The following ADCY3 variants were observed in gnomAD, a reference collection of about 807,000 sequenced individuals.
The protein encoded by ADCY3 is adenylate cyclase 3.
Under a neutral mutation model 119.4 loss-of-function variants are expected in ADCY3, and 70 were observed. That is an observed-to-expected ratio of 0.59 (90% confidence interval 0.48 to 0.72). ADCY3 has a LOEUF of 0.72. Among genes scored for constraint, ADCY3 ranks in the 30% least tolerant of loss-of-function variants. ADCY3 has a pLI of 0.00. For synonymous variants in ADCY3, 672 were observed against 621.4 expected (o/e 1.08, Z -1.21); for missense variants, 1,238 against 1,541.6 (o/e 0.80, Z 3.30).
In ADCY3 at chr2:24,819,876, A is replaced by G; in HGVS notation, c.*56T>C. ...ATCCAGGAAGGTCGGGACTTCCTTC[A>G]GTTTCAAAAAATAAATTCTCCCTTC... is the stretch of plus-strand genomic sequence containing the variant. On this transcript the variant is annotated 3_prime_UTR_variant, in exon 22 of 22. Transcript: ENST00000679454. 1 of 1,570,382 alleles carries G rather than the reference A, an allele frequency of 6.4e-7. No homozygotes were observed. Among genetic ancestry groups the G allele is most frequent in the Non-Finnish European group, 8.7e-7 (1 of 1,152,872 alleles).
chr2:24,889,790 C>G (rs948193086), intron 2 of ADCY3, among the ~76,000 whole-genome samples: 1 of 152,216 alleles, frequency 6.6e-6, no homozygotes, highest in Non-Finnish European at 1.5e-5. Flanking sequence ...GAGCCAAGGT[C>G]GCGCCATTGC....
In ADCY3 at chr2:24,872,278, T is replaced by C. The variant is rs1339919263; in HGVS notation, c.825+292A>G. ...CTGGCTGCTTGGGCAATGCATTTCT[T>C]GAAAGGGAAAAGTTTTACATTACGA... is the stretch of plus-strand genomic sequence containing the variant. On this transcript the variant is annotated intron_variant, in intron 3 of 21. Transcript: ENST00000679454. This position sits in a 1 kb window ranked among gnomAD's most constrained non-coding sequence, Gnocchi z 4.4. Among the ~76,000 whole-genome samples the C allele has an allele frequency of 6.6e-6, 1 of 152,032 alleles. No individual in the cohort carries two copies. The highest frequency in any genetic ancestry group is 1.5e-5 in the Non-Finnish European group (1 of 67,988).
chr2:24,834,423 G>GCCCCCCCCCCCCCCCCCCCCCCCCCCCCC lies in ADCY3; in HGVS notation c.1967+61_1967+62insGGGGGGGGGGGGGGGGGGGGGGGGGGGGG. The GCCCCCCCCCCCCCCCCCCCCCCCCCCCCC allele has an allele frequency of 7.2e-7, 1 of 1,388,738 alleles. No individual in the cohort carries two copies. The highest frequency in any genetic ancestry group is 9.5e-7 in the Non-Finnish European group (1 of 1,052,886). The allele number at this position is 1,388,738 out of a possible 1,614,324, so 86.0% of individuals were successfully genotyped here. A position where few individuals can be genotyped will look rare whatever the true frequency, so the allele number is the denominator to read the frequency against. Reference sequence around the variant, plus strand: ...GGCTCCCGCTGAGACACCTGCCCCCGCCCCCCGCCCGGCACCACCGCAGCC... The same window carrying GCCCCCCCCCCCCCCCCCCCCCCCCCCCCC: ...GGCTCCCGCTGAGACACCTGCCCCCGCCCCCCCCCCCCCCCCCCCCCCCCCCCCCCCCCCCGCCCGGCACCACCGCAGCC... On this transcript the variant is annotated intron_variant, in intron 11 of 21. Transcript: ENST00000679454. The surrounding 1 kb of genome is among the most constrained non-coding windows in gnomAD (Gnocchi z 4.2).
intron 19 of ADCY3, 151 bp downstream of exon 19, chr2:24,822,360 C>T (rs1433194111): frequency 2.6e-6 from 3 of 1,136,734 alleles, no homozygotes; most frequent in Non-Finnish European, 3.7e-6. Context: ...CTCAATAAAC[C>T]CTATTTCTTA....
At chr2:24,877,608 C>A (rs776395861) in intron 2 of ADCY3, among the ~76,000 whole-genome samples, 1 of 152,140 alleles carries the variant, frequency 6.6e-6, no homozygotes, top group Non-Finnish European at 1.5e-5. Flanking sequence ...GATGGCTTCA[C>A]GAAGACGTGA....
intron 15 of ADCY3, 140 bp from the exon 16 acceptor site, chr2:24,826,266 A>G: frequency 1.4e-6 from 1 of 701,420 alleles, no homozygotes; most frequent in Non-Finnish European, 2.4e-6. Context: ...TTTCACATCA[A>G]GTCGGGCTCC....
intron 3 of ADCY3, among the ~76,000 whole-genome samples, chr2:24,865,592 C>A (rs1674193765): frequency 6.7e-6 from 1 of 150,258 alleles, no homozygotes; most frequent in South Asian, 2.1e-4. Flanking sequence ...ACTGGTGATT[C>A]ATGGATGGGG....
rs186424673 is a variant in ADCY3 at position 24,878,958 on chromosome 2, G to A, written c.676-6239C>T. On this transcript the variant is annotated intron_variant, in intron 2 of 21. Coordinates refer to ENST00000679454, the MANE Select transcript of ADCY3 (RefSeq NM_004036.5). This position sits in a 1 kb window ranked among gnomAD's most constrained non-coding sequence, Gnocchi z 4.0. ...CCTGGAAAGCAAACTCCATGCAGCCGGGACACGGGTTGTTTCCCTGCTGGC... is the reference window on the plus strand; with the variant it reads ...CCTGGAAAGCAAACTCCATGCAGCCAGGACACGGGTTGTTTCCCTGCTGGC... Among the ~76,000 whole-genome samples the A allele has an allele frequency of 9.3e-4, 141 of 152,284 alleles. No homozygotes were observed. The highest frequency in any genetic ancestry group is 3.5e-3 in the Admixed American group (54 of 15,290).
chr2:24,893,689 G>A (rs548486924), intron 2 of ADCY3, among the ~76,000 whole-genome samples: 6 of 151,104 alleles, frequency 4.0e-5, no homozygotes, highest in South Asian at 4.2e-4. Flanking sequence ...CTGCAGCTTC[G>A]ACCTCTCAGG....
At chr2:24,887,569 C>T (rs754600393) in intron 2 of ADCY3, among the ~76,000 whole-genome samples, 7 of 152,034 alleles carry the variant, frequency 4.6e-5, no homozygotes, top group Non-Finnish European at 8.8e-5. Flanking sequence ...CCTGAGGGTG[C>T]CTGGTTCCCC....
At chr2:24,901,791 A>AG (rs1208671214) in intron 2 of ADCY3, among the ~76,000 whole-genome samples, 1 of 151,666 alleles carries the variant, frequency 6.6e-6, no homozygotes, top group Non-Finnish European at 1.5e-5. Flanking sequence ...AAAAAAAAAA[A>AG]AAGAAGAAGG....
intron 3 of ADCY3, among the ~76,000 whole-genome samples, chr2:24,843,805 G>A (rs985891854): frequency 2.6e-5 from 4 of 152,256 alleles, no homozygotes; most frequent in African/African-American, 7.2e-5. Flanking sequence ...GGAAGCCATG[G>A]GTTGGATAAG....
chr2:24,841,377 G>C lies in ADCY3; in HGVS notation c.1078C>G (p.Gln360Glu), dbSNP rs1670993077. ...TCGCCCAGGATCTTAATCCGCAGCT[G>C]GTGGTATTTCTGAAAGGGGAGGGCC... ...RFDKLAAKYH[Q>E]LRIKILGDCY... The change falls in exon 6 of 22, where the codon CAG becomes GAG. Residue 360 changes from glutamine (Q) to glutamate (E), a missense_variant. By Grantham distance (29) the Gln-to-Glu change is conservative. Around this residue, in one of 7 missense-constraint regions of ADCY3, gnomAD observed 283 missense variants for 437.2 expected, o/e 0.65. Transcript: ENST00000679454. The surrounding 1 kb of genome is among the most constrained non-coding windows in gnomAD (Gnocchi z 5.8). The C allele has an allele frequency of 6.2e-7, 1 of 1,610,308 alleles. No individual in the cohort carries two copies. Among genetic ancestry groups the C allele is most frequent in the Non-Finnish European group, 8.5e-7 (1 of 1,178,662 alleles).
At chr2:24,852,482 C>T (rs560301538) in intron 3 of ADCY3, among the ~76,000 whole-genome samples, 222 of 152,228 alleles carry the variant, frequency 1.5e-3, no homozygotes, top group African/African-American at 5.0e-3. Flanking sequence ...TGGTGGGTCA[C>T]CCGGCCTCCC....
At chr2:24,875,027 C>T (rs932245053) in intron 2 of ADCY3, among the ~76,000 whole-genome samples, 2 of 152,086 alleles carry the variant, frequency 1.3e-5, no homozygotes, top group Non-Finnish European at 2.9e-5. Context: ...GGTAGACAAC[C>T]GAGGGGGTAA....
chr2:24,905,547 G>A (rs1000460930), intron 2 of ADCY3, among the ~76,000 whole-genome samples: 1 of 152,202 alleles, frequency 6.6e-6, no homozygotes, highest in Non-Finnish European at 1.5e-5. Flanking sequence ...ATGATAGGGT[G>A]GATAGGGCCA....
chr2:24,913,286 G>A (rs186634954), intron 2 of ADCY3, among the ~76,000 whole-genome samples: 113 of 151,728 alleles, frequency 7.4e-4, no homozygotes, highest in African/African-American at 2.6e-3. Flanking sequence ...TCCTGGCCAC[G>A]TGCCCACAGG....
chr2:24,914,914 C>A (rs1337064377), intron 2 of ADCY3, among the ~76,000 whole-genome samples: 1 of 152,078 alleles, frequency 6.6e-6, no homozygotes, highest in Non-Finnish European at 1.5e-5. Flanking sequence ...CCCACCCCAT[C>A]CCACACTCCC....
intron 16 of ADCY3, chr2:24,825,735 C>A: frequency 2.7e-6 from 1 of 364,028 alleles, no homozygotes; most frequent in South Asian, 3.2e-5. Flanking sequence ...GGGCCATGAG[C>A]CCCTGGCCTA....
Sources: allele counts gnomAD v4.1 joint callset (sites outside exome capture counted in the v4.1 genomes callset), GRCh38; gene constraint gnomAD v4.1.1; regional missense constraint gnomAD v4.1.1; non-coding constraint Gnocchi (gnomAD v3.1); transcripts MANE v1.5; gene names NCBI Gene and HGNC (gene_info 2026-07-23, HGNC 2026-07-21).